G3BP2: variants seen among roughly 807,000 people sequenced by gnomAD.
G3BP2 encodes G3BP stress granule assembly factor 2.
Under a neutral mutation model 56.7 loss-of-function variants are expected in G3BP2, and 11 were observed. The ratio of observed to expected loss-of-function variants is 0.19; its 90% CI spans 0.12 to 0.32. The LOEUF is 0.32. Ranked by LOEUF, G3BP2 falls within the 10% of genes least tolerant of loss-of-function variation. The probability of loss-of-function intolerance (pLI) is 1.00; values close to 1 mark genes in which losing one functional copy is unlikely to be tolerated. For missense variants in G3BP2, 340 were observed against 610.9 expected, an observed-to-expected ratio of 0.56 and a Z score of 4.67; for synonymous variants, 165 against 191.6, an observed-to-expected ratio of 0.86 and a Z score of 1.15.
At chr4:75,670,789 C>A (rs1254361132) in intron 1 of G3BP2, among the ~76,000 whole-genome samples, 3 of 149,254 alleles carry the variant, frequency 2.0e-5, no homozygotes, top group African/African-American at 7.8e-5. Flanking sequence ...GAAATCAGGT[C>A]TCCTGACTCC....
intron 1 of G3BP2, among the ~76,000 whole-genome samples, chr4:75,664,147 G>A (rs1732801009): frequency 6.6e-6 from 1 of 151,772 alleles, no homozygotes; most frequent in African/African-American, 2.4e-5. Context: ...CTCCCAAAGT[G>A]CTGGGATTAC....
intron 3 of G3BP2, among the ~76,000 whole-genome samples, chr4:75,681,526 G>A (rs896243296): frequency 6.6e-6 from 1 of 151,806 alleles, no homozygotes; most frequent in Admixed American, 6.6e-5. Context: ...GGCACAGTAA[G>A]AGATTAACAA....
At chr4:75,650,156 C>T (rs186476645) in intron 8 of G3BP2, among the ~76,000 whole-genome samples, 45 of 151,772 alleles carry the variant, frequency 3.0e-4, no homozygotes, top group Non-Finnish European at 5.7e-4. Flanking sequence ...TTCCTTCAGC[C>T]AGGCACAGTA....
At chr4:75,646,126 A>C (rs892330395) in intron 11 of G3BP2, among the ~76,000 whole-genome samples, 5 of 152,184 alleles carry the variant, frequency 3.3e-5, no homozygotes, top group Admixed American at 1.3e-4. Flanking sequence ...TTAACATGCA[A>C]TCTTGCAATC....
chr4:75,680,841 G>A (rs371795328), intron 3 of G3BP2, among the ~76,000 whole-genome samples: 26 of 151,960 alleles, frequency 1.7e-4, no homozygotes, highest in African/African-American at 6.0e-4. Context: ...GGTGGCATGT[G>A]CCTGTAGTCC....
At chr4:75,691,543 G>GA (rs1718858129) in intron 3 of G3BP2, among the ~76,000 whole-genome samples, 1 of 152,168 alleles carries the variant, frequency 6.6e-6, no homozygotes, top group South Asian at 2.1e-4. Flanking sequence ...AAAAGCTAAT[G>GA]AAAATCACAT....
At chr4:75,647,223 A>T in intron 9 of G3BP2, 66 bp from the exon 10 acceptor site, 3 of 1,053,176 alleles carry the variant, frequency 2.8e-6, no homozygotes, top group African/African-American at 1.6e-5. Context: ...AAAGGAGTGA[A>T]TGTAAAAATC....
chr4:75,691,461 G>A (rs368140375), intron 3 of G3BP2, among the ~76,000 whole-genome samples: 7 of 152,080 alleles, frequency 4.6e-5, no homozygotes, highest in African/African-American at 1.2e-4. Flanking sequence ...CTCCCACCTC[G>A]GCCTCCCAAA....
chr4:75,667,718 G>A (rs527805249), intron 1 of G3BP2, among the ~76,000 whole-genome samples: 4 of 152,114 alleles, frequency 2.6e-5, no homozygotes, highest in Admixed American at 6.6e-5. Context: ...GTGAAAGCCC[G>A]TCTCTACTAA....
chr4:75,664,350 G>A (rs1241587369), intron 1 of G3BP2, among the ~76,000 whole-genome samples: 1 of 151,902 alleles, frequency 6.6e-6, no homozygotes, highest in South Asian at 2.1e-4. Flanking sequence ...GCCAAGGTGG[G>A]CAGATCGCCT....
At chr4:75,700,849 T>C (rs1203731905) in intron 3 of G3BP2, among the ~76,000 whole-genome samples, 1 of 152,108 alleles carries the variant, frequency 6.6e-6, no homozygotes, top group African/African-American at 2.4e-5. Context: ...AATAATTTTA[T>C]TTTTTTGAGG....
In G3BP2 at chr4:75,655,177, CTT is replaced by C; in HGVS notation, c.613_614del (p.Lys205AspfsTer2). 1 of 1,613,656 alleles carries C rather than the reference CTT, an allele frequency of 6.2e-7. No individual in the cohort carries two copies. Among genetic ancestry groups the C allele is most frequent in the Non-Finnish European group, 8.5e-7 (1 of 1,179,644 alleles). The part of the protein sequence containing the change: ...EPEPEPESET[K>X]TEELKPQVEE... ...CCACTTGTGGTTTCAGCTCTTCAGT[CTT>C]TGTTTCAGATTCTGGCTCAGGTTCA... On this transcript the variant is annotated frameshift_variant, in exon 7 of 12. Coordinates refer to ENST00000359707, the MANE Select transcript of G3BP2 (RefSeq NM_203505.3). LOFTEE classifies it high-confidence loss of function.
chr4:75,694,907 A>G, intron 3 of G3BP2: 1 of 985,646 alleles, frequency 1.0e-6, no homozygotes, highest in Non-Finnish European at 1.2e-6. Flanking sequence ...TTTGGACAGG[A>G]AGCGATAAGG....
intron 5 of G3BP2, 110 bp downstream of exon 5, chr4:75,656,814 C>T (rs1732154896): frequency 1.7e-5 from 11 of 665,810 alleles, no homozygotes; most frequent in Non-Finnish European, 2.4e-5. Context: ...GGATGTTTGA[C>T]ACAGTTACAA....
intron 10 of G3BP2, 33 bp downstream of exon 10, chr4:75,646,991 ATAATT>A: frequency 7.3e-7 from 1 of 1,366,870 alleles, no homozygotes. Context: ...TTAATTTAAA[ATAATT>A]TAAAAACTCC....
At chr4:75,661,475 TTTG>T (rs1259005845) in intron 2 of G3BP2, 1 of 103,822 alleles carries the variant, frequency 9.6e-6, no homozygotes, top group African/African-American at 4.9e-5. Context: ...GCCCCCAAAG[TTTG>T]TTTTTTTTTT....
chr4:75,681,010 G>T (rs936735382), intron 3 of G3BP2, among the ~76,000 whole-genome samples: 6 of 151,144 alleles, frequency 4.0e-5, no homozygotes, highest in Non-Finnish European at 7.4e-5. Context: ...AAAAACCGTG[G>T]CCTAAGTCTT....
chr4:75,645,398 A>G lies in G3BP2; in HGVS notation c.*32T>C. The G allele has an allele frequency of 1.3e-6, 2 of 1,588,892 alleles. No individual in the cohort carries two copies. Among genetic ancestry groups the G allele is most frequent in the Non-Finnish European group, 1.7e-6 (2 of 1,166,368 alleles). ...AGAATGCAAACACGATGAATAATGT[A>G]CCACTGCCAAGACTTTGCCAACAGT... On this transcript the variant is annotated 3_prime_UTR_variant, in exon 12 of 12. Coordinates refer to ENST00000359707, the MANE Select transcript of G3BP2 (RefSeq NM_203505.3).
intron 3 of G3BP2, among the ~76,000 whole-genome samples, chr4:75,697,759 C>A (rs1433816033): frequency 6.6e-6 from 1 of 152,084 alleles, no homozygotes; most frequent in Non-Finnish European, 1.5e-5. Flanking sequence ...CATGGCAAAA[C>A]CCAATCTCTA....
Sources: allele counts gnomAD v4.1 joint callset (sites outside exome capture counted in the v4.1 genomes callset), GRCh38; gene constraint gnomAD v4.1.1; transcripts MANE v1.5; gene names NCBI Gene and HGNC (gene_info 2026-07-23, HGNC 2026-07-21).